The following TPD52L1 variants were observed in gnomAD, a reference collection of about 807,000 sequenced individuals.
The protein encoded by TPD52L1 is TPD52 like 1.
A neutral mutation model predicts 28.7 loss-of-function variants in TPD52L1; 18 were observed. The ratio of observed to expected loss-of-function variants is 0.63; its 90% confidence interval spans 0.43 to 0.93. The LOEUF (loss-of-function observed/expected upper bound fraction) is 0.93. Ranked by LOEUF, TPD52L1 falls within the 40% of genes least tolerant of loss-of-function variation. TPD52L1 has a pLI of 0.00. For synonymous variants in TPD52L1, 75 were observed against 88.8 expected, an observed-to-expected ratio of 0.84 and a Z score of 0.88; for missense variants, 203 against 254.8, an observed-to-expected ratio of 0.80 and a Z score of 1.39.
chr6:125,153,825 C>T lies in TPD52L1; in HGVS notation c.-127C>T. The T allele has an allele frequency of 1.8e-6, 2 of 1,132,604 alleles. No individual in the cohort carries two copies. The highest frequency in any genetic ancestry group is 2.9e-5 in the Admixed American group (1 of 34,858). The allele number at this position is 1,132,604 out of a possible 1,614,324, so 70.2% of individuals were successfully genotyped here. ...TCCCCAACCCCCTCCGCGCAGCGCTCGCGACACGCGTGCCAGGAGTGGGAG... is the reference window on the plus strand; with the variant it reads ...TCCCCAACCCCCTCCGCGCAGCGCTTGCGACACGCGTGCCAGGAGTGGGAG... On this transcript the variant is annotated 5_prime_UTR_variant, in exon 1 of 7. Transcript: ENST00000534000.
intron 4 of TPD52L1, among the ~76,000 whole-genome samples, chr6:125,250,856 T>C (rs1231080563): frequency 6.6e-6 from 1 of 152,212 alleles, no homozygotes. Context: ...TTATAAACTG[T>C]GGCTAAAAAT....
chr6:125,159,297 T>A (rs148862498), intron 1 of TPD52L1, among the ~76,000 whole-genome samples: 1 of 152,258 alleles, frequency 6.6e-6, no homozygotes, highest in Admixed American at 6.5e-5. Flanking sequence ...ATTTACACAG[T>A]GCTGTGAACA....
At chr6:125,214,728 A>C (rs1205579892) in intron 1 of TPD52L1, among the ~76,000 whole-genome samples, 1 of 152,148 alleles carries the variant, frequency 6.6e-6, no homozygotes, top group African/African-American at 2.4e-5. Flanking sequence ...AAAATATTAC[A>C]TTTTGGGAGA....
intron 1 of TPD52L1, among the ~76,000 whole-genome samples, chr6:125,156,221 C>A (rs1165481391): frequency 6.6e-6 from 1 of 151,942 alleles, no homozygotes; most frequent in Non-Finnish European, 1.5e-5. Flanking sequence ...CCCAGCACTT[C>A]GGGAGGCCAA....
In TPD52L1 at chr6:125,229,504, C is replaced by A. The variant is rs374242335; in HGVS notation, c.284+238C>A. Among the ~76,000 whole-genome samples, 8 of 152,358 alleles carry A rather than the reference C, an allele frequency of 5.3e-5. No individual in the cohort carries two copies. In the South Asian group the frequency reaches 1.0e-3, roughly 20 times the overall value. On this transcript the variant is annotated intron_variant, in intron 3 of 6. Transcript: ENST00000534000. ...TGTTCACTGAAACTCTATTTTCACT[C>A]AGACTACTTTCATTAGGTTTTATTG... is the stretch of plus-strand genomic sequence containing the variant.
At chr6:125,241,808 G>A (rs1796628167) in intron 3 of TPD52L1, among the ~76,000 whole-genome samples, 1 of 147,068 alleles carries the variant, frequency 6.8e-6, no homozygotes, top group South Asian at 2.1e-4. Flanking sequence ...TCTTTTTTTT[G>A]TCAGTTTCAT....
chr6:125,189,183 G>A lies in TPD52L1; in HGVS notation c.20-30895G>A, dbSNP rs371147380. 6.4e-4 allele frequency among the ~76,000 whole-genome samples: 98 copies of A among 152,220 alleles called. 3 individuals are homozygous for A. The highest frequency in any genetic ancestry group is 2.3e-3 in the African/African-American group (96 of 41,554). On this transcript the variant is annotated intron_variant, in intron 1 of 6. Coordinates refer to ENST00000534000, the MANE Select transcript of TPD52L1 (RefSeq NM_003287.4). ...GCTTTAAAAGAATAAGCTAAAGTTG[G>A]AAAAAGAATTTCCATATGAAACTAA...
At chr6:125,223,564 T>C (rs1795396928) in intron 2 of TPD52L1, among the ~76,000 whole-genome samples, 1 of 151,746 alleles carries the variant, frequency 6.6e-6, no homozygotes, top group Non-Finnish European at 1.5e-5. Flanking sequence ...CAAAAATTAG[T>C]CAGGCATGGT....
intron 4 of TPD52L1, among the ~76,000 whole-genome samples, chr6:125,249,602 G>T (rs1797138638): frequency 6.8e-6 from 1 of 147,416 alleles, no homozygotes; most frequent in Non-Finnish European, 1.5e-5. Context: ...TGAGGCAGGA[G>T]AATCACTTGA....
intron 1 of TPD52L1, among the ~76,000 whole-genome samples, chr6:125,213,257 A>C (rs1794638687): frequency 6.6e-6 from 1 of 152,148 alleles, no homozygotes; most frequent in Non-Finnish European, 1.5e-5. Context: ...CAGCAAAGTT[A>C]TCTTCTAGTT....
chr6:125,184,457 G>A (rs1792451695), intron 1 of TPD52L1, among the ~76,000 whole-genome samples: 1 of 152,174 alleles, frequency 6.6e-6, no homozygotes, highest in African/African-American at 2.4e-5. Context: ...GCATTTCACT[G>A]ACCAAGCCAA....
chr6:125,263,266 T>C lies in TPD52L1; in HGVS notation c.*304T>C. ...AATTCGATGTATATTTTTCCAAACATGTAGCTATTGTTTGCTTTGATTTTT... is the reference window on the plus strand; with the variant it reads ...AATTCGATGTATATTTTTCCAAACACGTAGCTATTGTTTGCTTTGATTTTT... On this transcript the variant is annotated 3_prime_UTR_variant, in exon 7 of 7. Coordinates refer to ENST00000534000, the MANE Select transcript of TPD52L1 (RefSeq NM_003287.4). 3.3e-6 allele frequency: 1 copy of C among 306,192 alleles called. No individual in the cohort carries two copies. Among genetic ancestry groups the C allele is most frequent in the South Asian group, 4.9e-5 (1 of 20,492 alleles). 19.0% of individuals were successfully genotyped at this position (306,192 alleles called of 1,614,324 possible). A position where few individuals can be genotyped will look rare whatever the true frequency, so the allele number is the denominator to read the frequency against.
chr6:125,216,521 ATGTG>A (rs373408548), intron 1 of TPD52L1, among the ~76,000 whole-genome samples: 5,083 of 65,388 alleles, frequency 0.078, 275 homozygotes, highest in East Asian at 0.16. Flanking sequence ...TAAATTCAGT[ATGTG>A]TGTGTATATA....
At chr6:125,161,950 C>A (rs112419771) in intron 1 of TPD52L1, among the ~76,000 whole-genome samples, 3,062 of 152,086 alleles carry the variant, frequency 0.02, 63 homozygotes, top group Middle Eastern at 0.068. Context: ...CTGTGAGGTA[C>A]AATAAAGTGA....
rs1790486174 is a variant in TPD52L1, at chr6:125,160,929, G to A, written c.19+6959G>A. On this transcript the variant is annotated intron_variant, in intron 1 of 6. Coordinates refer to ENST00000534000, the MANE Select transcript of TPD52L1 (RefSeq NM_003287.4). ...TGCAGTGGCACGATCTTGGCTCACT[G>A]CAACCTTCACCTCCTGGGTTCAAGC... is the stretch of plus-strand genomic sequence containing the variant. Among the ~76,000 whole-genome samples the A allele has an allele frequency of 2.0e-5, 3 of 146,724 alleles. No individual in the cohort carries two copies. The South Asian group carries it at 6.4e-4, about 31-fold the overall frequency.
chr6:125,186,710 C>A (rs1472836694), intron 1 of TPD52L1, among the ~76,000 whole-genome samples: 1 of 152,092 alleles, frequency 6.6e-6, no homozygotes, highest in Non-Finnish European at 1.5e-5. Flanking sequence ...ACGTTGACAC[C>A]ATAGCTAAGC....
intron 3 of TPD52L1, among the ~76,000 whole-genome samples, chr6:125,234,985 T>C (rs979003958): frequency 6.6e-6 from 1 of 151,700 alleles, no homozygotes; most frequent in Non-Finnish European, 1.5e-5. Flanking sequence ...TCCCAGCCAT[T>C]TAGGGGGCTG....
intron 1 of TPD52L1, among the ~76,000 whole-genome samples, chr6:125,212,781 T>A (rs1794607954): frequency 6.6e-6 from 1 of 152,246 alleles, no homozygotes; most frequent in South Asian, 2.1e-4. Flanking sequence ...GACTTCTCAG[T>A]TGGAGCTGGT....
At chr6:125,227,706 A>G (rs558413518) in intron 2 of TPD52L1, among the ~76,000 whole-genome samples, 4 of 152,352 alleles carry the variant, frequency 2.6e-5, no homozygotes, top group African/African-American at 9.6e-5. Context: ...TACCAGAGCA[A>G]TATGTTATAG....
Sources: gnomAD v4.1 joint callset for allele counts (sites outside exome capture counted in the v4.1 genomes callset) on GRCh38, gnomAD v4.1.1 for gene constraint, MANE v1.5 for transcripts, NCBI Gene and HGNC (gene_info 2026-07-23, HGNC 2026-07-21) for gene names.